NASP: variants seen among roughly 807,000 people sequenced by gnomAD.
NASP encodes the protein nuclear autoantigenic sperm protein.
In NASP, 24 loss-of-function variants were observed where a neutral mutation model predicts 89.5. That is an observed-to-expected ratio of 0.27 (90% CI 0.19 to 0.38). The LOEUF (loss-of-function observed/expected upper bound fraction) is 0.38. Among genes scored for constraint, NASP ranks in the 10% least tolerant of loss-of-function variants. NASP has a pLI of 1.00. For synonymous variants in NASP, 306 were observed against 324.7 expected, an observed-to-expected ratio of 0.94 and a Z score of 0.62; for missense variants, 848 against 921.4, an observed-to-expected ratio of 0.92 and a Z score of 1.03.
chr1:45,613,327 C>G (rs1027523536), intron 7 of NASP, 79 bp downstream of exon 7: 1 of 1,489,342 alleles, frequency 6.7e-7, no homozygotes, highest in Non-Finnish European at 9.0e-7. Flanking sequence ...GTTGCCTAGG[C>G]TGGATTGCAG....
rs376488351 is a variant in NASP, at chr1:45,615,205, A to T, written c.1855+4A>T. On this transcript the variant is annotated splice_donor_region_variant and intron_variant, in intron 10 of 14. Coordinates refer to ENST00000350030, the MANE Select transcript of NASP (RefSeq NM_002482.4). ...GAAGTCATTGAGAACAGAATGGGTGAGTGAAGACGAGCTGCTTCATGGTGA... is the reference window on the plus strand; with the variant it reads ...GAAGTCATTGAGAACAGAATGGGTGTGTGAAGACGAGCTGCTTCATGGTGA... 1 of 1,613,478 alleles carries T rather than the reference A, an allele frequency of 6.2e-7. No individual in the cohort carries two copies. Among genetic ancestry groups the T allele is most frequent in the Admixed American group, 1.7e-5 (1 of 59,942 alleles).
chr1:45,600,308 C>G, intron 2 of NASP: 1 of 1,091,958 alleles, frequency 9.2e-7, no homozygotes, highest in South Asian at 1.7e-5. Flanking sequence ...AAACCATTAT[C>G]ACAATCAAGA....
At chr1:45,598,280 C>T (rs1183345401) in intron 2 of NASP, among the ~76,000 whole-genome samples, 2 of 151,606 alleles carry the variant, frequency 1.3e-5, no homozygotes, top group Admixed American at 6.6e-5. Context: ...AAGCAATTCT[C>T]CTGCCTCAGC....
At chr1:45,618,036 T>C in intron 14 of NASP, 25 bp from the exon 15 acceptor site, 1 of 1,582,104 alleles carries the variant, frequency 6.3e-7, no homozygotes, top group East Asian at 2.3e-5. Context: ...GGCTCACTCA[T>C]GCCCAGGTTC....
intron 1 of NASP, among the ~76,000 whole-genome samples, chr1:45,585,287 G>C (rs1365408528): frequency 6.6e-6 from 1 of 152,102 alleles, no homozygotes; most frequent in Admixed American, 6.6e-5. Flanking sequence ...GTGCGCTTTA[G>C]AGGTTAGTTG....
chr1:45,616,730 C>A, intron 13 of NASP, 27 bp downstream of exon 13: 2 of 1,591,112 alleles, frequency 1.3e-6, no homozygotes, highest in African/African-American at 1.3e-5. Context: ...TGTTTCTTTT[C>A]TACCGTTTCC....
intron 3 of NASP, among the ~76,000 whole-genome samples, chr1:45,603,265 T>G (rs189070192): frequency 6.6e-6 from 1 of 152,360 alleles, no homozygotes; most frequent in East Asian, 1.9e-4. Flanking sequence ...ATGGCGAGGT[T>G]TGAGTTTCCT....
At chr1:45,605,093 G>C in intron 4 of NASP, 77 bp downstream of exon 4, 1 of 1,187,802 alleles carries the variant, frequency 8.4e-7, no homozygotes, top group Non-Finnish European at 1.3e-6. Context: ...CAGGAGCTAA[G>C]CAAGATTGGT....
chr1:45,593,066 G>A (rs1643591937), intron 2 of NASP, among the ~76,000 whole-genome samples: 3 of 152,006 alleles, frequency 2.0e-5, no homozygotes, highest in Admixed American at 2.0e-4. Flanking sequence ...TTTTAGTAAT[G>A]GTTATTTCCA....
chr1:45,598,828 A>G (rs535654996), intron 2 of NASP, among the ~76,000 whole-genome samples: 4 of 152,122 alleles, frequency 2.6e-5, no homozygotes, highest in Non-Finnish European at 5.9e-5. Flanking sequence ...ATTAATATTC[A>G]GTTTTCCATC....
intron 2 of NASP, among the ~76,000 whole-genome samples, chr1:45,595,525 C>A (rs1263364950): frequency 6.6e-6 from 1 of 152,134 alleles, no homozygotes; most frequent in Non-Finnish European, 1.5e-5. Context: ...TTCAGCAGTT[C>A]TCAAAGTTTT....
chr1:45,584,169 C>T lies in NASP; in HGVS notation c.23C>T (p.Thr8Ile), dbSNP rs1644491235. Reference sequence around the variant, plus strand: ...ACGATGGCCATGGAGTCCACAGCCACTGCCGCCGTCGCCGCGGAGCTGGTT... The same window carrying T: ...ACGATGGCCATGGAGTCCACAGCCATTGCCGCCGTCGCCGCGGAGCTGGTT... MAMESTA[T>I]AAVAAELVSA... The change falls in exon 1 of 15, where the codon ACT (threonine) becomes ATT (isoleucine). Residue 8 changes from threonine (T) to isoleucine (I), a missense_variant. By Grantham distance (89) the Thr-to-Ile change is moderately conservative (BLOSUM62 -1). This residue lies in a region of NASP where 89 missense variants were observed against 79.2 expected (regional missense o/e 1.12). Transcript: ENST00000350030. 4 of 1,597,232 alleles carry T rather than the reference C, an allele frequency of 2.5e-6. No homozygotes were observed. The highest frequency in any genetic ancestry group is 1.3e-5 in the African/African-American group (1 of 74,752).
chr1:45,600,701 C>T (rs936240607), intron 2 of NASP, among the ~76,000 whole-genome samples: 5 of 152,100 alleles, frequency 3.3e-5, no homozygotes, highest in Non-Finnish European at 1.5e-5. Flanking sequence ...GGGTTCACAC[C>T]TAGGAGTAGA....
At chr1:45,616,449 G>GC in intron 12 of NASP, 56 bp downstream of exon 12, 1 of 1,578,654 alleles carries the variant, frequency 6.3e-7, no homozygotes, top group Non-Finnish European at 8.7e-7. Flanking sequence ...GTTGGCTCAT[G>GC]CCTGTAATCC....
chr1:45,613,282 C>A (rs780587169), intron 7 of NASP, 34 bp downstream of exon 7: 87 of 1,578,666 alleles, frequency 5.5e-5, no homozygotes, highest in South Asian at 2.1e-4. Context: ...TGTTGTCAGC[C>A]TTTTTCTGTT....
chr1:45,587,661 C>CATAT lies in NASP; in HGVS notation c.59+3480_59+3483dup, dbSNP rs1553169239. On this transcript the variant is annotated intron_variant, in intron 1 of 14. Transcript: ENST00000350030. The stretch of plus-strand genomic sequence containing the variant: ...CTATGAGGTTTGTCTTGAGTTTTTT[C>CATAT]ATATATATATATATATATATATATA... Among the ~76,000 whole-genome samples, 5 of 6,388 alleles carry CATAT rather than the reference C, an allele frequency of 7.8e-4. 1 individual carries two copies. The highest frequency in any genetic ancestry group is 7.7e-3 in the South Asian group (1 of 130). The allele number at this position is 6,388 out of a possible 152,430, so 4.2% of individuals were successfully genotyped here.
At position 45,607,686 on chromosome 1, in the gene NASP, G is replaced by T; in HGVS notation, c.775G>T (p.Gly259Cys). Reference protein sequence around the residue: ...DVQEECREKGGQEKQGEVIVS... With the variant: ...DVQEECREKGCQEKQGEVIVS... The stretch of plus-strand genomic sequence containing the variant: ...CCAAGAAGAGTGCAGAGAAAAAGGA[G>T]GTCAGGAGAAGCAGGGAGAGGTAAT... The change falls in exon 6 of 15, where the codon GGT becomes TGT. Residue 259 changes from glycine (G) to cysteine (C), a missense_variant. By Grantham distance (159) the Gly-to-Cys change is radical. Coordinates refer to ENST00000350030, the MANE Select transcript of NASP (RefSeq NM_002482.4). 6.2e-7 allele frequency: 1 copy of T among 1,614,164 alleles called. No homozygotes were observed. Among genetic ancestry groups the T allele is most frequent in the Non-Finnish European group, 8.5e-7 (1 of 1,180,038 alleles).
intron 2 of NASP, among the ~76,000 whole-genome samples, chr1:45,596,364 CTCTT>C (rs1279654461): frequency 2.6e-5 from 4 of 152,196 alleles, no homozygotes; most frequent in Non-Finnish European, 5.9e-5. Context: ...AAACAACTCC[CTCTT>C]TCTGTCTTCC....
intron 2 of NASP, among the ~76,000 whole-genome samples, chr1:45,599,951 GTATTTTTT>G (rs1643797316): frequency 9.8e-6 from 1 of 101,944 alleles, no homozygotes; most frequent in African/African-American, 4.3e-5. Context: ...CTTTTCCTCT[GTATTTTTT>G]TTTTTTTTTT....
Sources: allele counts gnomAD v4.1 joint callset (sites outside exome capture counted in the v4.1 genomes callset), GRCh38; gene constraint gnomAD v4.1.1; regional missense constraint gnomAD v4.1.1; transcripts MANE v1.5; gene names NCBI Gene and HGNC (gene_info 2026-07-23, HGNC 2026-07-21).